The following LRRIQ1 variants were observed in gnomAD, a reference collection of about 807,000 sequenced individuals.
The protein encoded by LRRIQ1 is leucine rich repeats and IQ motif containing 1, also known as leucine-rich repeat- and IQ domain-containing protein 1.
Under a neutral mutation model 211.9 loss-of-function variants are expected in LRRIQ1, and 210 were observed. That is an observed-to-expected ratio of 0.99 (90% CI 0.89 to 1.11). The LOEUF is 1.11. LRRIQ1 is among the 50% of genes most tolerant of loss of function. The pLI is 0.00. For missense variants in LRRIQ1, 2,136 were observed against 1,939.5 expected (o/e 1.10, Z -1.90); for synonymous variants, 699 against 650.1 (o/e 1.08, Z -1.14).
At chr12:85,055,024 A>G (rs1592707204) in intron 7 of LRRIQ1, among the ~76,000 whole-genome samples, 1 of 152,070 alleles carries the variant, frequency 6.6e-6, no homozygotes, top group African/African-American at 2.4e-5. Context: ...TTGAGAAGGG[A>G]TAAGATATGT....
intron 8 of LRRIQ1, among the ~76,000 whole-genome samples, chr12:85,062,851 T>C (rs1881999072): frequency 6.6e-6 from 1 of 151,852 alleles, no homozygotes; most frequent in South Asian, 2.1e-4. Context: ...CTCTGTAACC[T>C]CACCAACATC....
chr12:85,084,122 T>TA (rs1184465755), intron 11 of LRRIQ1, among the ~76,000 whole-genome samples: 2 of 152,192 alleles, frequency 1.3e-5, no homozygotes, highest in Non-Finnish European at 1.5e-5. Context: ...ATGTAGAGAA[T>TA]ATAATTGGTT....
Position 85,072,945 on chromosome 12 carries a change from G to A in LRRIQ1, c.2734G>A (p.Ala912Thr), listed in dbSNP as rs17012533. The stretch of plus-strand genomic sequence containing the variant: ...TCTGGAAGAAAAACTTGTTGACAAT[G>A]CAGGGTTCTGCCATCACTTGGGCAC... ...FFLEEKLVDNAGFCHHLGTST... is the reference protein window; with the variant it reads ...FFLEEKLVDNTGFCHHLGTST... The change falls in exon 11 of 27, where the codon GCA becomes ACA. Residue 912 changes from alanine to threonine, a missense_variant. By Grantham distance (58) the Ala-to-Thr change is moderately conservative. Coordinates refer to ENST00000393217, the MANE Select transcript of LRRIQ1 (RefSeq NM_001079910.2). The A allele has an allele frequency of 0.26, 422,782 of 1,609,178 alleles. 57,905 individuals carry two copies. The highest frequency in any genetic ancestry group is 0.34 in the Admixed American group (20,269 of 59,408).
chr12:85,172,207 C>A (rs746597202), intron 24 of LRRIQ1, among the ~76,000 whole-genome samples: 1 of 152,102 alleles, frequency 6.6e-6, no homozygotes, highest in Non-Finnish European at 1.5e-5. Context: ...ACCCCTTTGT[C>A]CCTTGCCCCT....
intron 18 of LRRIQ1, among the ~76,000 whole-genome samples, chr12:85,132,567 A>G (rs1315968197): frequency 1.3e-5 from 2 of 152,264 alleles, no homozygotes; most frequent in Admixed American, 1.3e-4. Context: ...CAGGAGTTCA[A>G]TACCAGCCTG....
intron 23 of LRRIQ1, among the ~76,000 whole-genome samples, chr12:85,154,754 T>C (rs1260930575): frequency 2.0e-5 from 3 of 151,206 alleles, no homozygotes; most frequent in Non-Finnish European, 4.4e-5. Context: ...GCATGTAACT[T>C]TATATATAAC....
intron 24 of LRRIQ1, among the ~76,000 whole-genome samples, chr12:85,218,019 A>C (rs1232584452): frequency 6.6e-6 from 1 of 151,912 alleles, no homozygotes; most frequent in Non-Finnish European, 1.5e-5. Flanking sequence ...GAAACAGGAG[A>C]GAATCATGTC....
intron 24 of LRRIQ1, among the ~76,000 whole-genome samples, chr12:85,214,682 T>C (rs1893995212): frequency 1.3e-5 from 2 of 152,092 alleles, no homozygotes; most frequent in South Asian, 4.1e-4. Context: ...AAGTTAGTTA[T>C]CTATATTAAA....
chr12:85,114,217 G>C (rs1887402498), intron 15 of LRRIQ1, among the ~76,000 whole-genome samples: 1 of 151,992 alleles, frequency 6.6e-6, no homozygotes, highest in African/African-American at 2.4e-5. Context: ...TGTTTATAAT[G>C]AAAATATCTG....
intron 26 of LRRIQ1, among the ~76,000 whole-genome samples, chr12:85,236,150 G>A (rs1479176880): frequency 1.3e-5 from 2 of 152,086 alleles, no homozygotes; most frequent in South Asian, 2.1e-4. Context: ...AATATGAAAG[G>A]TAAAGCTGTA....
intron 24 of LRRIQ1, among the ~76,000 whole-genome samples, chr12:85,196,125 T>A (rs1398889901): frequency 6.6e-6 from 1 of 152,038 alleles, no homozygotes; most frequent in Non-Finnish European, 1.5e-5. Flanking sequence ...ACAAGGGATG[T>A]GAAGGACCTT....
intron 11 of LRRIQ1, among the ~76,000 whole-genome samples, chr12:85,094,679 T>C (rs1201659963): frequency 6.6e-6 from 1 of 152,144 alleles, no homozygotes; most frequent in Admixed American, 6.6e-5. Context: ...GTAGAAATAG[T>C]GTTATATCTG....
intron 18 of LRRIQ1, among the ~76,000 whole-genome samples, chr12:85,136,093 A>C (rs550261022): frequency 6.6e-6 from 1 of 152,020 alleles, no homozygotes; most frequent in African/African-American, 2.4e-5. Context: ...CTTCTATAGA[A>C]AATCTTGTTT....
At chr12:85,065,705 C>T (rs1399451565) in intron 9 of LRRIQ1, among the ~76,000 whole-genome samples, 1 of 151,762 alleles carries the variant, frequency 6.6e-6, no homozygotes, top group Non-Finnish European at 1.5e-5. Context: ...CAACAACCAT[C>T]CTATTTGTTC....
At chr12:85,145,108 T>C (rs868384136) in intron 19 of LRRIQ1, among the ~76,000 whole-genome samples, 4 of 151,622 alleles carry the variant, frequency 2.6e-5, no homozygotes, top group African/African-American at 9.7e-5. Flanking sequence ...ATATAAAATC[T>C]TCTCAAACTT....
Position 85,076,533 on chromosome 12 carries a change from G to A in LRRIQ1, c.2887+3435G>A, listed in dbSNP as rs543646441. On this transcript the variant is annotated intron_variant, in intron 11 of 26. Coordinates refer to ENST00000393217, the MANE Select transcript of LRRIQ1 (RefSeq NM_001079910.2). ...CATGTAAATAGTAGAGATACTAAGA[G>A]TTTTTTTCCTTCTTTATTTTCTAGA... 6.8e-5 allele frequency: 39 copies of A among 575,136 alleles called. 1 individual carries two copies. In the South Asian group the frequency reaches 2.8e-3, roughly 41 times the overall value. 35.6% of individuals were successfully genotyped at this position (575,136 alleles called of 1,614,324 possible).
At chr12:85,096,776 G>A (rs1029023691) in intron 11 of LRRIQ1, among the ~76,000 whole-genome samples, 11 of 152,140 alleles carry the variant, frequency 7.2e-5, no homozygotes, top group African/African-American at 2.7e-4. Flanking sequence ...AGTCCTCCAT[G>A]ATTACTGTGT....
At chr12:85,206,558 T>C (rs1893556721) in intron 24 of LRRIQ1, among the ~76,000 whole-genome samples, 1 of 152,054 alleles carries the variant, frequency 6.6e-6, no homozygotes, top group Admixed American at 6.6e-5. Context: ...TCTGTCCACA[T>C]GTTAACCAGC....
intron 15 of LRRIQ1, among the ~76,000 whole-genome samples, chr12:85,118,252 C>G (rs935985789): frequency 7.4e-4 from 112 of 152,228 alleles, no homozygotes; most frequent in African/African-American, 2.6e-3. Flanking sequence ...AACTACTGAA[C>G]AAGTTCAAAA....
Sources: allele counts gnomAD v4.1 joint callset (sites outside exome capture counted in the v4.1 genomes callset), GRCh38; gene constraint gnomAD v4.1.1; transcripts MANE v1.5; gene names NCBI Gene and HGNC (gene_info 2026-07-23, HGNC 2026-07-21).